The following SV2C variants were observed in gnomAD, a reference collection of about 807,000 sequenced individuals.
The protein encoded by SV2C is solute carrier family 22 member B3.
SV2C carries 49 observed loss-of-function variants against 79.7 expected under a neutral mutation model. That is an observed-to-expected ratio of 0.61 (90% CI 0.49 to 0.78). The LOEUF is 0.78. Ranked by LOEUF, SV2C falls within the 30% of genes least tolerant of loss-of-function variation. The pLI, the probability that SV2C is intolerant of heterozygous loss-of-function variation, is 0.00. For missense variants in SV2C, 833 were observed against 912.9 expected (o/e 0.91, Z 1.13); for synonymous variants, 334 against 333.2 (o/e 1.00, Z -0.03).
At chr5:76,295,144 G>C (rs1490812488) in intron 8 of SV2C, among the ~76,000 whole-genome samples, 1 of 152,108 alleles carries the variant, frequency 6.6e-6, no homozygotes, top group Non-Finnish European at 1.5e-5. Flanking sequence ...GTAAATAATA[G>C]GAATTTTATT....
Position 76,317,443 on chromosome 5 carries a change from A to ACCCC in SV2C, c.2001-7920_2001-7919insCCCC, listed in dbSNP as rs1561314526. Among the ~76,000 whole-genome samples, 440 of 142,572 alleles carry ACCCC rather than the reference A, an allele frequency of 3.1e-3. 5 individuals carry two copies. The highest frequency in any genetic ancestry group is 0.012 in the African/African-American group (412 of 35,222). 93.5% of individuals were successfully genotyped at this position (142,572 alleles called of 152,430 possible). A position where few individuals can be genotyped will look rare whatever the true frequency, so the allele number is the denominator to read the frequency against. On this transcript the variant is annotated intron_variant, in intron 12 of 12. Coordinates refer to ENST00000502798, the MANE Select transcript of SV2C (RefSeq NM_014979.4). ...TAGACAAAAAGAACCACCCCCCCCA[A>ACCCC]CACACACACACATACACACACACAC...
the SV2C span, among the ~76,000 whole-genome samples, chr5:75,903,378 T>TA: frequency 7.9e-3 from 1,160 of 146,380 alleles, 10 homozygotes; most frequent in African/African-American, 0.023. Flanking sequence ...TTTTTTTTTT[T>TA]AAAAAAAAAA....
intron 2 of SV2C, among the ~76,000 whole-genome samples, chr5:76,152,452 A>T (rs1450998443): frequency 1.3e-5 from 2 of 152,196 alleles, no homozygotes; most frequent in African/African-American, 4.8e-5. Flanking sequence ...TATATATAGG[A>T]GATACGTTGG....
At chr5:75,924,367 A>T in the SV2C span, among the ~76,000 whole-genome samples, 1 of 152,208 alleles carries the variant, frequency 6.6e-6, no homozygotes, top group Non-Finnish European at 1.5e-5. Flanking sequence ...GTACATATCC[A>T]TGTAACCAAA....
chr5:76,104,642 C>G (rs2134227), intron 1 of SV2C, among the ~76,000 whole-genome samples: 117,588 of 152,156 alleles, frequency 0.77, 46,609 homozygotes, highest in East Asian at 1. Flanking sequence ...TAATTATTAA[C>G]ATACTCTCTA....
At chr5:75,894,848 G>A in the SV2C span, among the ~76,000 whole-genome samples, 1 of 152,056 alleles carries the variant, frequency 6.6e-6, no homozygotes, top group African/African-American at 2.4e-5. Context: ...ACATGCCCAG[G>A]AGAGACTTGA....
At chr5:76,152,672 C>T (rs528684891) in intron 2 of SV2C, among the ~76,000 whole-genome samples, 3 of 152,278 alleles carry the variant, frequency 2.0e-5, no homozygotes, top group Admixed American at 6.5e-5. Context: ...CAGCTGATCA[C>T]TCCTTCCTTT....
At chr5:76,034,018 T>A in the SV2C span, among the ~76,000 whole-genome samples, 2 of 148,982 alleles carry the variant, frequency 1.3e-5, no homozygotes, top group Admixed American at 1.4e-4. Flanking sequence ...CAATTGTGAA[T>A]GGGAGTTCAC....
intron 3 of SV2C, among the ~76,000 whole-genome samples, chr5:76,197,707 C>CAGATAGATAGATAGACAGATAGAT (rs1554039519): frequency 1.4e-5 from 2 of 145,494 alleles, no homozygotes; most frequent in African/African-American, 5.2e-5. Context: ...GATAGACAGG[C>CAGATAGATAGATAGACAGATAGAT]AGATAGATAG....
intron 2 of SV2C, among the ~76,000 whole-genome samples, chr5:76,135,125 G>C (rs1749024708): frequency 6.6e-6 from 1 of 152,200 alleles, no homozygotes. Flanking sequence ...GAGTCAGCAA[G>C]GATTTGCTCA....
the SV2C span, among the ~76,000 whole-genome samples, chr5:76,001,016 A>C: frequency 2.6e-5 from 4 of 152,136 alleles, no homozygotes; most frequent in East Asian, 7.7e-4. Flanking sequence ...TAAAAAAAAA[A>C]AAAAAACTAA....
intron 4 of SV2C, among the ~76,000 whole-genome samples, chr5:76,268,369 G>A (rs903899937): frequency 5.3e-5 from 8 of 152,140 alleles, no homozygotes; most frequent in Non-Finnish European, 1.0e-4. Flanking sequence ...AGAACTGAGC[G>A]TGGAGTCCAG....
At chr5:76,062,660 A>C in the SV2C span, among the ~76,000 whole-genome samples, 1 of 151,954 alleles carries the variant, frequency 6.6e-6, no homozygotes, top group Admixed American at 6.6e-5. Flanking sequence ...CCTATGTTTA[A>C]TTTCTGTTAT....
chr5:75,885,202 C>A, the SV2C span, among the ~76,000 whole-genome samples: 1 of 152,108 alleles, frequency 6.6e-6, no homozygotes, highest in African/African-American at 2.4e-5. Context: ...TAATTAGAGT[C>A]CAGGGATGTC....
the SV2C span, among the ~76,000 whole-genome samples, chr5:75,929,353 C>A: frequency 6.6e-6 from 1 of 152,180 alleles, no homozygotes; most frequent in Admixed American, 6.5e-5. Flanking sequence ...GTGCCCAGCC[C>A]AGCCCCCTTC....
chr5:76,171,681 C>G (rs1490752101), intron 2 of SV2C, among the ~76,000 whole-genome samples: 158 of 132,112 alleles, frequency 1.2e-3, no homozygotes, highest in Non-Finnish European at 1.5e-3. Context: ...CCCCCCCGCC[C>G]GGCCAGCCGT....
the SV2C span, among the ~76,000 whole-genome samples, chr5:76,040,200 G>A: frequency 1.3e-5 from 2 of 152,094 alleles, no homozygotes; most frequent in African/African-American, 2.4e-5. Context: ...ATCAACTAAG[G>A]AACACAGAAG....
chr5:75,978,850 T>C, the SV2C span, among the ~76,000 whole-genome samples: 5 of 152,036 alleles, frequency 3.3e-5, no homozygotes, highest in Non-Finnish European at 5.9e-5. Flanking sequence ...ATTCCACCAC[T>C]TTGAGGCTTA....
At chr5:75,911,041 G>C in the SV2C span, 1 of 1,135,296 alleles carries the variant, frequency 8.8e-7, no homozygotes, top group Non-Finnish European at 1.3e-6. Context: ...TGAAGAGTGA[G>C]AGTGAATCTG....
Sources: allele counts gnomAD v4.1 joint callset (sites outside exome capture counted in the v4.1 genomes callset), GRCh38; gene constraint gnomAD v4.1.1; transcripts MANE v1.5; gene names NCBI Gene and HGNC (gene_info 2026-07-23, HGNC 2026-07-21).